METTL9: variants seen among roughly 807,000 people sequenced by gnomAD.
METTL9 encodes the protein methyltransferase 9, His-X-His N1(pi)-histidine.
Under a neutral mutation model 36.0 loss-of-function variants are expected in METTL9, and 10 were observed. The observed-to-expected ratio is 0.28, with a 90% CI of 0.17 to 0.47. The LOEUF is 0.47. Among genes scored for constraint, METTL9 ranks in the 20% least tolerant of loss-of-function variants. The probability of loss-of-function intolerance (pLI) is 0.99; values close to 1 mark genes in which losing one functional copy is unlikely to be tolerated. For synonymous variants in METTL9, 175 were observed against 149.7 expected, an observed-to-expected ratio of 1.17 and a Z score of -1.23; for missense variants, 246 against 383.5, an observed-to-expected ratio of 0.64 and a Z score of 3.00.
At chr16:21,597,438 T>A (rs1425963398), upstream of METTL9, 1 of 491,132 alleles carries the variant, frequency 2.0e-6, no homozygotes, top group African/African-American at 2.1e-5. Flanking sequence ...TTTAAATGTA[T>A]GAGTGATTTA....
intron 1 of METTL9, among the ~76,000 whole-genome samples, chr16:21,601,623 C>A (rs1257178094): frequency 1.3e-5 from 2 of 152,100 alleles, no homozygotes; most frequent in Non-Finnish European, 2.9e-5. Context: ...TATCTCCCAG[C>A]AGAGGATACT....
chr16:21,637,506 C>G (rs555240833), intron 4 of METTL9, among the ~76,000 whole-genome samples: 111 of 152,370 alleles, frequency 7.3e-4, no homozygotes, highest in African/African-American at 2.4e-3. Context: ...GAAAAGTTCT[C>G]CAGGTCCCCA....
chr16:21,624,799 A>G, intron 3 of METTL9, 132 bp from the exon 4 acceptor site: 1 of 824,172 alleles, frequency 1.2e-6, no homozygotes, highest in South Asian at 1.8e-5. Context: ...ATTATTGCAA[A>G]CATAAATTAT....
intron 2 of METTL9, among the ~76,000 whole-genome samples, chr16:21,615,111 T>G (rs1261109005): frequency 6.6e-6 from 1 of 152,248 alleles, no homozygotes; most frequent in Non-Finnish European, 1.5e-5. Context: ...TCCTGGTTGA[T>G]AAACACTGGG....
rs190266770 is a variant in METTL9 at position 21,620,844 on chromosome 16, T to C, written c.566+2770T>C. Among the ~76,000 whole-genome samples, 85 of 152,256 alleles carry C rather than the reference T, an allele frequency of 5.6e-4. 1 individual carries two copies. In the East Asian group the frequency reaches 7.5e-3, roughly 13 times the overall value. On this transcript the variant is annotated intron_variant, in intron 3 of 4. Transcript: ENST00000358154. Reference sequence around the variant, plus strand: ...TATCTTTATTTCCTAAGATTAGAGGTCACCCAATCCAAGATGGCAAGGCAG... The same window carrying C: ...TATCTTTATTTCCTAAGATTAGAGGCCACCCAATCCAAGATGGCAAGGCAG...
At chr16:21,641,247 T>TCACA (rs1242811277) in intron 4 of METTL9, 2 of 220,988 alleles carry the variant, frequency 9.1e-6, no homozygotes, top group African/African-American at 2.3e-5. Flanking sequence ...ATGGCAGTCA[T>TCACA]CACACATCTC....
intron 2 of METTL9, among the ~76,000 whole-genome samples, chr16:21,616,885 A>G (rs910679866): frequency 5.9e-5 from 9 of 151,900 alleles, no homozygotes; most frequent in Non-Finnish European, 1.0e-4. Flanking sequence ...ATCTTTTTCA[A>G]CTGATAAACA....
intron 1 of METTL9, among the ~76,000 whole-genome samples, chr16:21,601,761 G>GTA (rs1555488322): frequency 2.5e-5 from 3 of 117,702 alleles, no homozygotes; most frequent in African/African-American, 1.1e-4. Context: ...GTGTGTGTGT[G>GTA]TACCCCTTCA....
At position 21,618,275 on chromosome 16, in the gene METTL9, C is replaced by T. The variant is rs117595215; in HGVS notation, c.566+201C>T. ...GCACTATAGGTAAGAAAAGCACTAG[C>T]GAGAGACAACTTGGAAAAGGCAGAT... is the stretch of plus-strand genomic sequence containing the variant. On this transcript the variant is annotated intron_variant, in intron 3 of 4. Coordinates refer to ENST00000358154, the MANE Select transcript of METTL9 (RefSeq NM_016025.5). Among the ~76,000 whole-genome samples the T allele has an allele frequency of 9.3e-3, 1,421 of 152,134 alleles. 49 individuals carry two copies. The highest frequency in any genetic ancestry group is 0.083 in the East Asian group (430 of 5,176).
rs1192548315 is a variant in METTL9, at chr16:21,612,570, T to C, written c.166-75T>C. On this transcript the variant is annotated intron_variant, in intron 1 of 4. Coordinates refer to ENST00000358154, the MANE Select transcript of METTL9 (RefSeq NM_016025.5). ...TAGATGTGATTTAGTCTTCTGGTTT[T>C]TTGTTTTTGGATTTCTTAGGTGACA... 4.4e-6 allele frequency: 6 copies of C among 1,364,838 alleles called. No individual in the cohort carries two copies. The African/African-American group carries it at 9.1e-5, about 21-fold the overall frequency. 84.5% of individuals were successfully genotyped at this position (1,364,838 alleles called of 1,614,324 possible). A position where few individuals can be genotyped will look rare whatever the true frequency, so the allele number is the denominator to read the frequency against.
Position 21,599,630 on chromosome 16 carries a change from G to T in METTL9, c.-104G>T, listed in dbSNP as rs927983867. 2.7e-5 allele frequency: 36 copies of T among 1,335,108 alleles called. No homozygotes were observed. Among genetic ancestry groups the T allele is most frequent in the African/African-American group, 9.3e-5 (6 of 64,278 alleles). The allele number at this position is 1,335,108 out of a possible 1,614,324, so 82.7% of individuals were successfully genotyped here. A position where few individuals can be genotyped will look rare whatever the true frequency, so the allele number is the denominator to read the frequency against. On this transcript the variant is annotated 5_prime_UTR_variant, in exon 1 of 5. Coordinates refer to ENST00000358154, the MANE Select transcript of METTL9 (RefSeq NM_016025.5). This position sits in a 1 kb window ranked among gnomAD's most constrained non-coding sequence, Gnocchi z 4.4. Reference sequence around the variant, plus strand: ...GGGGCTGGATGGGCAAGGCGGCCGCGATGGCTCGAGCTCGGGCGGTGGCGG... The same window carrying T: ...GGGGCTGGATGGGCAAGGCGGCCGCTATGGCTCGAGCTCGGGCGGTGGCGG...
At position 21,600,263 on chromosome 16, in the gene METTL9, C is replaced by T. The variant is rs528557583; in HGVS notation, c.165+365C>T. ...AGCGTGGCTGGGGGCGCCCGCCTGG[C>T]ACCGAGGCCTGAGACTGAAGAGACC... On this transcript the variant is annotated intron_variant, in intron 1 of 4. Transcript: ENST00000358154. Among the ~76,000 whole-genome samples, 9 of 152,330 alleles carry T rather than the reference C, an allele frequency of 5.9e-5. No individual in the cohort carries two copies. In the East Asian group the frequency reaches 1.7e-3, roughly 29 times the overall value.
chr16:21,613,660 T>A (rs1965487601), intron 2 of METTL9, among the ~76,000 whole-genome samples: 1 of 152,090 alleles, frequency 6.6e-6, no homozygotes, highest in Non-Finnish European at 1.5e-5. Flanking sequence ...TTTTGGGAGA[T>A]ATAATTAGTC....
intron 3 of METTL9, among the ~76,000 whole-genome samples, chr16:21,621,763 G>A (rs1425737053): frequency 2.0e-5 from 3 of 152,190 alleles, no homozygotes; most frequent in Admixed American, 1.3e-4. Flanking sequence ...TTTACAGCAA[G>A]ACAGTTTTCT....
chr16:21,627,231 G>A, intron 4 of METTL9: 1 of 985,352 alleles, frequency 1.0e-6, no homozygotes, highest in Non-Finnish European at 1.2e-6. Context: ...GTTTTGCTGT[G>A]TAGATTCATG....
intron 4 of METTL9, among the ~76,000 whole-genome samples, chr16:21,626,123 C>CT (rs767909126): frequency 9.9e-5 from 15 of 152,096 alleles, no homozygotes; most frequent in Non-Finnish European, 1.8e-4. Context: ...AGGCTGGTCT[C>CT]TAACTCCTGA....
At chr16:21,650,756 A>G (rs1369290874) in intron 4 of METTL9, among the ~76,000 whole-genome samples, 1 of 152,120 alleles carries the variant, frequency 6.6e-6, no homozygotes, top group Admixed American at 6.5e-5. Flanking sequence ...TAGGCAACCT[A>G]TTAACAAAAA....
intron 4 of METTL9, among the ~76,000 whole-genome samples, chr16:21,627,743 T>C (rs1230430685): frequency 6.6e-6 from 1 of 152,092 alleles, no homozygotes; most frequent in Non-Finnish European, 1.5e-5. Flanking sequence ...GGTCAGGAGA[T>C]CGAGACCATC....
At chr16:21,648,747 G>GA (rs1966492169) in intron 4 of METTL9, among the ~76,000 whole-genome samples, 1 of 152,224 alleles carries the variant, frequency 6.6e-6, no homozygotes, top group African/African-American at 2.4e-5. Context: ...AATTTGTCAA[G>GA]TTTTTGGTCT....
Sources: gnomAD v4.1 joint callset for allele counts (sites outside exome capture counted in the v4.1 genomes callset) on GRCh38, gnomAD v4.1.1 for gene constraint, Gnocchi (gnomAD v3.1) non-coding constraint, MANE v1.5 for transcripts, NCBI Gene and HGNC (gene_info 2026-07-23, HGNC 2026-07-21) for gene names.